The following MICAL3 variants were observed in gnomAD, a reference collection of about 807,000 sequenced individuals.
MICAL3 encodes [F-actin]-monooxygenase MICAL3.
A neutral mutation model predicts 207.4 loss-of-function variants in MICAL3; 62 were observed. The ratio of observed to expected loss-of-function variants is 0.30; its 90% CI spans 0.24 to 0.37. The LOEUF is 0.37. MICAL3 is among the 10% of genes least tolerant of loss of function. The pLI is 1.00. For synonymous variants in MICAL3, 1,077 were observed against 1,069.3 expected (o/e 1.01, Z -0.14); for missense variants, 2,368 against 2,635.6 (o/e 0.90, Z 2.22).
intron 16 of MICAL3, among the ~76,000 whole-genome samples, chr22:17,874,846 G>A (rs574035847): frequency 1.5e-4 from 22 of 149,720 alleles, no homozygotes; most frequent in African/African-American, 5.2e-4. Flanking sequence ...TTCAGATCCC[G>A]CCGCACACCA....
intron 1 of MICAL3, among the ~76,000 whole-genome samples, chr22:17,948,054 G>A (rs1602270465): frequency 2.0e-5 from 3 of 151,712 alleles, no homozygotes. Flanking sequence ...CTCTGCTCCT[G>A]TAAAGCAAGG....
chr22:17,995,404 T>A (rs1187683226), intron 1 of MICAL3, among the ~76,000 whole-genome samples: 2 of 151,536 alleles, frequency 1.3e-5, no homozygotes, highest in Non-Finnish European at 2.9e-5. Flanking sequence ...CTCAAACTCC[T>A]GGCCTCAAGC....
intron 1 of MICAL3, among the ~76,000 whole-genome samples, chr22:17,991,267 G>A (rs1317819550): frequency 6.6e-6 from 1 of 151,942 alleles, no homozygotes; most frequent in African/African-American, 2.4e-5. Flanking sequence ...GCTGTAGGGG[G>A]ACAAAGAGGG....
chr22:17,810,305 C>T (rs996427316), intron 28 of MICAL3, among the ~76,000 whole-genome samples: 4 of 152,178 alleles, frequency 2.6e-5, no homozygotes, highest in East Asian at 1.9e-4. Flanking sequence ...CCTTGTGATC[C>T]GCCCGCCTTG....
intron 1 of MICAL3, among the ~76,000 whole-genome samples, chr22:17,953,817 G>T (rs773668936): frequency 6.6e-6 from 1 of 151,496 alleles, no homozygotes; most frequent in Non-Finnish European, 1.5e-5. Flanking sequence ...TGTAATCCTA[G>T]CTATTTGAGA....
At chr22:17,807,817 C>T (rs1196550410) in intron 29 of MICAL3, among the ~76,000 whole-genome samples, 4 of 152,238 alleles carry the variant, frequency 2.6e-5, no homozygotes, top group Non-Finnish European at 5.9e-5. Flanking sequence ...CCCAGTTCGT[C>T]CATTTCACAG....
chr22:17,866,464 C>G (rs1182889403), intron 17 of MICAL3, among the ~76,000 whole-genome samples: 1 of 152,206 alleles, frequency 6.6e-6, no homozygotes, highest in Non-Finnish European at 1.5e-5. Flanking sequence ...CTCTGACAGG[C>G]CCATCTCTGC....
At chr22:18,014,544 A>G (rs551108982) in intron 1 of MICAL3, among the ~76,000 whole-genome samples, 1 of 152,316 alleles carries the variant, frequency 6.6e-6, no homozygotes, top group East Asian at 1.9e-4. Flanking sequence ...TTTCTAAAAA[A>G]GCTTCCCCAG....
chr22:17,903,440 C>T (rs532187264), intron 3 of MICAL3, among the ~76,000 whole-genome samples: 1 of 152,288 alleles, frequency 6.6e-6, no homozygotes, highest in Admixed American at 6.5e-5. Flanking sequence ...GGTAGAAGAC[C>T]CTCTCAACCC....
chr22:17,915,550 C>T lies in MICAL3; in HGVS notation c.-74-8664G>A, dbSNP rs377064024. Among the ~76,000 whole-genome samples the T allele has an allele frequency of 3.9e-5, 6 of 152,322 alleles. No homozygotes were observed. In the South Asian group the frequency reaches 1.0e-3, roughly 26 times the overall value. ...AGAGCCTGCAGCTAAGGCTTTCCGA[C>T]GCTGGCCCAAAACACAGCTGGCAGG... On this transcript the variant is annotated intron_variant, in intron 1 of 31. Transcript: ENST00000441493.
rs1327885366 is a variant in MICAL3, at chr22:17,970,853, A to G, written c.-75+53428T>C. On this transcript the variant is annotated intron_variant, in intron 1 of 31. Coordinates refer to ENST00000441493, the MANE Select transcript of MICAL3 (RefSeq NM_015241.3). ...TCAGCACCCCACCCGATTTGCAGGC[A>G]GTGCTTTCTAAACTGTGCCCTGTGA... Among the ~76,000 whole-genome samples, 4 of 152,112 alleles carry G rather than the reference A, an allele frequency of 2.6e-5. No homozygotes were observed. The East Asian group carries it at 7.7e-4, about 29-fold the overall frequency.
At position 17,841,657 on chromosome 22, in the gene MICAL3, C is replaced by A. The variant is rs1041628772; in HGVS notation, c.2801+165G>T. On this transcript the variant is annotated intron_variant, in intron 20 of 31. Transcript: ENST00000441493. This position sits in a 1 kb window ranked among gnomAD's most constrained non-coding sequence, Gnocchi z 4.2. ...AGTCTGATGGAGGAGTCCTCACTGA[C>A]TAGAAGATGAGGCTAAGAACCTAAA... 13 of 650,640 alleles carry A rather than the reference C, an allele frequency of 2.0e-5. No homozygotes were observed. Among genetic ancestry groups the A allele is most frequent in the African/African-American group, 3.6e-5 (2 of 55,042 alleles). 40.3% of individuals were successfully genotyped at this position (650,640 alleles called of 1,614,324 possible). A position where few individuals can be genotyped will look rare whatever the true frequency, so the allele number is the denominator to read the frequency against.
intron 29 of MICAL3, among the ~76,000 whole-genome samples, chr22:17,807,227 C>T (rs1463804918): frequency 1.3e-5 from 2 of 152,246 alleles, no homozygotes; most frequent in African/African-American, 4.8e-5. Flanking sequence ...AGAAATGGCA[C>T]GAGGGCAGGG....
chr22:17,983,552 A>G (rs146934555), intron 1 of MICAL3: 9 of 152,028 alleles, frequency 5.9e-5, no homozygotes, highest in Non-Finnish European at 1.0e-4. Context: ...TGCACCTCCA[A>G]ACTCTGACTC....
chr22:17,872,724 C>T (rs1163460545), intron 16 of MICAL3: 1 of 1,429,684 alleles, frequency 7.0e-7, no homozygotes, highest in Non-Finnish European at 9.9e-7. Context: ...TCTAGCTACA[C>T]AGTGCCTGGA....
At chr22:17,827,857 A>C in intron 21 of MICAL3, 76 bp from the exon 22 acceptor site, 1 of 1,465,144 alleles carries the variant, frequency 6.8e-7, no homozygotes, top group Non-Finnish European at 9.2e-7. Flanking sequence ...AAGGAAACAG[A>C]AAGAGAAGTT....
chr22:17,865,085 TTTTATTTATTTATTTA>T (rs200555386), intron 18 of MICAL3, 99 bp from the exon 19 acceptor site: 16,255 of 584,196 alleles, frequency 0.028, 1,056 homozygotes, highest in Non-Finnish European at 0.031. Flanking sequence ...TGGTTTTAAA[TTTTATTTATTTATTTA>T]TTTATTTATT....
chr22:17,971,422 G>A (rs776588625), intron 1 of MICAL3, among the ~76,000 whole-genome samples: 12 of 152,152 alleles, frequency 7.9e-5, no homozygotes, highest in Non-Finnish European at 1.2e-4. Flanking sequence ...GGCGGAGGTT[G>A]CAGTGAGCTA....
intron 16 of MICAL3, among the ~76,000 whole-genome samples, chr22:17,877,081 T>TGGAGGTTATGGAGGTGAG (rs1928649025): frequency 4.4e-5 from 3 of 68,122 alleles, no homozygotes; most frequent in African/African-American, 1.4e-4. Flanking sequence ...AGGGAAGTTA[T>TGGAGGTTATGGAGGTGAG]GGAGGTTATG....
Sources: allele counts gnomAD v4.1 joint callset (sites outside exome capture counted in the v4.1 genomes callset), GRCh38; gene constraint gnomAD v4.1.1; non-coding constraint Gnocchi (gnomAD v3.1); transcripts MANE v1.5; gene names NCBI Gene and HGNC (gene_info 2026-07-23, HGNC 2026-07-21).